The following ADGRB3 variants were observed in gnomAD, a reference collection of about 807,000 sequenced individuals.
ADGRB3 encodes the protein brain-specific angiogenesis inhibitor 3.
ADGRB3 carries 37 observed loss-of-function variants against 193.4 expected under a neutral mutation model. The ratio of observed to expected loss-of-function variants is 0.19; its 90% CI spans 0.15 to 0.25. ADGRB3 has a LOEUF of 0.25. Ranked by LOEUF, ADGRB3 falls within the 10% of genes least tolerant of loss-of-function variation. The probability of loss-of-function intolerance (pLI) is 1.00; values close to 1 mark genes in which losing one functional copy is unlikely to be tolerated. For synonymous variants in ADGRB3, 690 were observed against 644.2 expected, an observed-to-expected ratio of 1.07 and a Z score of -1.08; for missense variants, 1,637 against 1,852.9, an observed-to-expected ratio of 0.88 and a Z score of 2.14.
At chr6:69,318,803 AC>A (rs1388954710) in intron 20 of ADGRB3, among the ~76,000 whole-genome samples, 1 of 150,742 alleles carries the variant, frequency 6.6e-6, no homozygotes, top group African/African-American at 2.4e-5. Context: ...TACTAGAAAA[AC>A]GTCCATTTTA....
At chr6:69,072,346 C>G (rs563215568) in intron 16 of ADGRB3, among the ~76,000 whole-genome samples, 1 of 152,060 alleles carries the variant, frequency 6.6e-6, no homozygotes, top group East Asian at 1.9e-4. Flanking sequence ...GAGAAGCATG[C>G]AGCAGGATCT....
At chr6:68,944,754 G>A (rs1411438229) in intron 6 of ADGRB3, among the ~76,000 whole-genome samples, 1 of 152,078 alleles carries the variant, frequency 6.6e-6, no homozygotes, top group Non-Finnish European at 1.5e-5. Context: ...GGACTTACAA[G>A]TTATAGAAGA....
At chr6:69,369,900 A>G (rs1769670601) in intron 29 of ADGRB3, among the ~76,000 whole-genome samples, 1 of 152,152 alleles carries the variant, frequency 6.6e-6, no homozygotes, top group Non-Finnish European at 1.5e-5. Flanking sequence ...GACAAGTAAA[A>G]GTTAACCTGC....
chr6:68,759,428 C>A (rs1159799191), intron 3 of ADGRB3, among the ~76,000 whole-genome samples: 4 of 151,926 alleles, frequency 2.6e-5, no homozygotes, highest in Non-Finnish European at 4.4e-5. Flanking sequence ...ACATATATTG[C>A]CTAACAAAAT....
At chr6:68,713,268 T>C (rs1334540611) in intron 3 of ADGRB3, among the ~76,000 whole-genome samples, 1 of 151,928 alleles carries the variant, frequency 6.6e-6, no homozygotes, top group African/African-American at 2.4e-5. Flanking sequence ...CAGATAATGT[T>C]CTTCTGAATC....
chr6:69,266,127 A>T (rs969534821), intron 20 of ADGRB3, among the ~76,000 whole-genome samples: 1 of 152,010 alleles, frequency 6.6e-6, no homozygotes, highest in African/African-American at 2.4e-5. Context: ...ATTCTGCTTG[A>T]TAATTCTTTA....
chr6:68,872,815 G>C (rs1015475373), intron 3 of ADGRB3, among the ~76,000 whole-genome samples: 6 of 152,062 alleles, frequency 3.9e-5, no homozygotes, highest in Admixed American at 1.3e-4. Flanking sequence ...CTCTGAACAG[G>C]AAAGACATAG....
intron 17 of ADGRB3, among the ~76,000 whole-genome samples, chr6:69,133,172 G>A (rs1033124794): frequency 6.6e-6 from 1 of 152,070 alleles, no homozygotes; most frequent in Non-Finnish European, 1.5e-5. Flanking sequence ...AAAGTCAATG[G>A]TAGCTTGATG....
chr6:68,714,344 TAAG>T (rs1271328976), intron 3 of ADGRB3, among the ~76,000 whole-genome samples: 2 of 150,754 alleles, frequency 1.3e-5, no homozygotes, highest in Non-Finnish European at 3.0e-5. Flanking sequence ...TCCAAAACAA[TAAG>T]GAGATTTTTA....
intron 28 of ADGRB3, among the ~76,000 whole-genome samples, chr6:69,357,383 T>C (rs146360168): frequency 2.0e-5 from 3 of 152,196 alleles, no homozygotes; most frequent in African/African-American, 7.2e-5. Flanking sequence ...TGCAGTTATG[T>C]CTATTTGCTA....
At position 69,339,034 on chromosome 6, in the gene ADGRB3, A is replaced by G. The variant is rs1334841435; in HGVS notation, c.3287+20A>G. On this transcript the variant is annotated intron_variant, in intron 25 of 31. Transcript: ENST00000370598. ...CGCCATGTTAGTCCCAATCATTTAC[A>G]TCTTCTTGTTACAAATCTTTTACAG... The G allele has an allele frequency of 6.2e-7, 1 of 1,611,144 alleles. No homozygotes were observed. Among genetic ancestry groups the G allele is most frequent in the Non-Finnish European group, 8.5e-7 (1 of 1,178,038 alleles).
intron 26 of ADGRB3, among the ~76,000 whole-genome samples, chr6:69,347,446 A>T (rs1019184491): frequency 1.3e-5 from 2 of 152,048 alleles, no homozygotes; most frequent in East Asian, 1.9e-4. Context: ...AAAGAAACAC[A>T]TTTCAGATTT....
At chr6:68,993,035 G>T (rs1052731266) in intron 10 of ADGRB3, among the ~76,000 whole-genome samples, 1 of 151,684 alleles carries the variant, frequency 6.6e-6, no homozygotes, top group African/African-American at 2.4e-5. Flanking sequence ...CTATTCTTTC[G>T]CATTATAAGA....
intron 16 of ADGRB3, among the ~76,000 whole-genome samples, chr6:69,063,350 C>G (rs762544442): frequency 6.6e-6 from 1 of 152,008 alleles, no homozygotes; most frequent in East Asian, 1.9e-4. Flanking sequence ...TCAGTGCACA[C>G]ATCTTTACCA....
chr6:69,252,774 G>A (rs1199772989), intron 20 of ADGRB3, among the ~76,000 whole-genome samples: 2 of 151,932 alleles, frequency 1.3e-5, no homozygotes, highest in South Asian at 4.2e-4. Flanking sequence ...ATCTTTTGCT[G>A]AGTAGAAATT....
chr6:69,022,777 T>A (rs1770310671), intron 13 of ADGRB3, among the ~76,000 whole-genome samples: 1 of 151,908 alleles, frequency 6.6e-6, no homozygotes, highest in Non-Finnish European at 1.5e-5. Flanking sequence ...CTGAAAAGGA[T>A]AAAAGTACAT....
At chr6:69,368,429 T>C (rs1769631354) in intron 29 of ADGRB3, among the ~76,000 whole-genome samples, 1 of 152,076 alleles carries the variant, frequency 6.6e-6, no homozygotes. Context: ...GTGGATTGAA[T>C]GTGGAAAACG....
intron 13 of ADGRB3, among the ~76,000 whole-genome samples, chr6:69,036,501 C>T (rs540985329): frequency 4.0e-5 from 6 of 151,738 alleles, no homozygotes; most frequent in Non-Finnish European, 4.4e-5. Flanking sequence ...GATCTTAGCA[C>T]GTAACAATAT....
At chr6:68,834,617 A>G (rs1768012286) in intron 3 of ADGRB3, among the ~76,000 whole-genome samples, 1 of 152,172 alleles carries the variant, frequency 6.6e-6, no homozygotes, top group Non-Finnish European at 1.5e-5. Context: ...CCAAGTTTAA[A>G]TTCTTTAGGA....
Sources: allele counts gnomAD v4.1 joint callset (sites outside exome capture counted in the v4.1 genomes callset), GRCh38; gene constraint gnomAD v4.1.1; transcripts MANE v1.5; gene names NCBI Gene and HGNC (gene_info 2026-07-23, HGNC 2026-07-21).